Variants in MACROD1 observed in about 807,000 individuals in gnomAD.
MACROD1 encodes ADP-ribose glycohydrolase MACROD1.
A neutral mutation model predicts 41.4 loss-of-function variants in MACROD1; 31 were observed. The observed-to-expected ratio is 0.75, with a 90% CI of 0.56 to 1.01. MACROD1 has a LOEUF of 1.01. MACROD1 is among the 50% of genes least tolerant of loss of function. The pLI is 0.00. For synonymous variants in MACROD1, 252 were observed against 203.4 expected (o/e 1.24, Z -2.03); for missense variants, 473 against 460.0 (o/e 1.03, Z -0.26).
rs745776957 is a variant in MACROD1, at chr11:64,151,227, C to A, written c.517+12G>T. ...GCGGCCACCAGGTCTCTGGTTCAGG[C>A]CAGCCACTCACCGGCGTTGACGATG... is the stretch of plus-strand genomic sequence containing the variant. On this transcript the variant is annotated intron_variant, in intron 3 of 10. Coordinates refer to ENST00000255681, the MANE Select transcript of MACROD1 (RefSeq NM_014067.4). The A allele has an allele frequency of 6.2e-7, 1 of 1,609,070 alleles. No individual in the cohort carries two copies. The highest frequency in any genetic ancestry group is 1.3e-5 in the African/African-American group (1 of 74,862).
chr11:64,058,308 G>C (rs1296367419), intron 3 of MACROD1, among the ~76,000 whole-genome samples: 2 of 152,224 alleles, frequency 1.3e-5, no homozygotes, highest in Non-Finnish European at 2.9e-5. Flanking sequence ...TGTGCTCCTT[G>C]GTGCCCATCT....
chr11:64,097,522 C>A (rs933131596), intron 3 of MACROD1, among the ~76,000 whole-genome samples: 2 of 152,254 alleles, frequency 1.3e-5, no homozygotes, highest in Non-Finnish European at 2.9e-5. Flanking sequence ...GGCAAAGGCC[C>A]AGGCCCGCCG....
Position 64,152,436 on chromosome 11 carries a change from G to A in MACROD1, c.299-43C>T, listed in dbSNP as rs769250508. ...AGGATCAGGGTGGGGGCAGAGGAAC[G>A]GGCCTGGGGCTTGCACCCCCACATC... On this transcript the variant is annotated intron_variant, in intron 1 of 10. Coordinates refer to ENST00000255681, the MANE Select transcript of MACROD1 (RefSeq NM_014067.4). 24 of 1,488,430 alleles carry A rather than the reference G, an allele frequency of 1.6e-5. No individual in the cohort carries two copies. The East Asian group carries it at 2.7e-4, about 17-fold the overall frequency. The allele number at this position is 1,488,430 out of a possible 1,614,324, so 92.2% of individuals were successfully genotyped here.
chr11:64,155,968 T>G (rs572187400), intron 1 of MACROD1, among the ~76,000 whole-genome samples: 1 of 151,802 alleles, frequency 6.6e-6, no homozygotes, highest in East Asian at 1.9e-4. Context: ...ATTAGCCGGG[T>G]GTGGTGGTAC....
chr11:64,018,408 T>C (rs1943110539), intron 3 of MACROD1, among the ~76,000 whole-genome samples: 1 of 152,128 alleles, frequency 6.6e-6, no homozygotes, highest in Non-Finnish European at 1.5e-5. Context: ...GGTTCCCCCA[T>C]AAAGCTGCCT....
At chr11:64,071,701 T>A (rs1944110477) in intron 3 of MACROD1, among the ~76,000 whole-genome samples, 1 of 152,180 alleles carries the variant, frequency 6.6e-6, no homozygotes. Flanking sequence ...GGGGTGGTCA[T>A]GAGACCAAGG....
intron 1 of MACROD1, among the ~76,000 whole-genome samples, chr11:64,156,854 A>C (rs1169447426): frequency 6.6e-6 from 1 of 152,226 alleles, no homozygotes; most frequent in East Asian, 1.9e-4. Flanking sequence ...GAAGGCCAGC[A>C]GGCCAGACAG....
chr11:64,006,490 C>G (rs764124633), intron 4 of MACROD1, among the ~76,000 whole-genome samples: 8 of 152,242 alleles, frequency 5.3e-5, no homozygotes, highest in Non-Finnish European at 1.2e-4. Context: ...GTGATGAGAT[C>G]TGAAATTCAT....
chr11:64,135,902 A>G (rs1945325040), intron 3 of MACROD1, among the ~76,000 whole-genome samples: 1 of 151,858 alleles, frequency 6.6e-6, no homozygotes. Context: ...CCCTTCCCCC[A>G]CTAAGCTCCC....
At chr11:64,035,392 G>A (rs1211771430) in intron 3 of MACROD1, among the ~76,000 whole-genome samples, 5 of 152,094 alleles carry the variant, frequency 3.3e-5, no homozygotes, top group African/African-American at 1.2e-4. Context: ...CGGGTGGACG[G>A]ATGAATGAAT....
At chr11:64,125,527 GT>G (rs1945164977) in intron 3 of MACROD1, among the ~76,000 whole-genome samples, 2 of 152,350 alleles carry the variant, frequency 1.3e-5, no homozygotes, top group African/African-American at 4.8e-5. Context: ...CCAGGCACGA[GT>G]GTTGGCAACA....
In MACROD1 at chr11:64,030,664, C is replaced by T. The variant is rs537267348; in HGVS notation, c.518-15383G>A. Among the ~76,000 whole-genome samples the T allele has an allele frequency of 5.9e-5, 9 of 152,250 alleles. No individual in the cohort carries two copies. In the South Asian group the frequency reaches 1.5e-3, roughly 25 times the overall value. Reference sequence around the variant, plus strand: ...GACATGTTGGCCGGTAGATGAAAAACGCAGTCATAGAAATCATAAGCAATC... The same window carrying T: ...GACATGTTGGCCGGTAGATGAAAAATGCAGTCATAGAAATCATAAGCAATC... On this transcript the variant is annotated intron_variant, in intron 3 of 10. Coordinates refer to ENST00000255681, the MANE Select transcript of MACROD1 (RefSeq NM_014067.4).
chr11:64,107,807 G>A (rs891768780), intron 3 of MACROD1, among the ~76,000 whole-genome samples: 2 of 152,132 alleles, frequency 1.3e-5, no homozygotes, highest in Non-Finnish European at 1.5e-5. Flanking sequence ...GATGCCTCTG[G>A]TGGGCCTGCA....
intron 3 of MACROD1, among the ~76,000 whole-genome samples, chr11:64,056,699 TC>T (rs1000791042): frequency 1.4e-4 from 21 of 152,192 alleles, no homozygotes; most frequent in African/African-American, 5.1e-4. Context: ...CCAGCAGCAC[TC>T]ATAGGGGACA....
At position 64,117,003 on chromosome 11, in the gene MACROD1, C is replaced by T. The variant is rs756527574; in HGVS notation, c.517+34236G>A. On this transcript the variant is annotated intron_variant, in intron 3 of 10. Coordinates refer to ENST00000255681, the MANE Select transcript of MACROD1 (RefSeq NM_014067.4). ...GCGCATCGCCGACGACACCTTCAGC[C>T]GCCTACAGAACCTCACAGAGCTCTC... 60 of 1,612,572 alleles carry T rather than the reference C, an allele frequency of 3.7e-5. No individual in the cohort carries two copies. Among genetic ancestry groups the T allele is most frequent in the Admixed American group, 5.0e-5 (3 of 59,932 alleles).
At chr11:64,117,583 T>C (rs2134622431) in intron 3 of MACROD1, 1 of 1,611,740 alleles carries the variant, frequency 6.2e-7, no homozygotes, top group Non-Finnish European at 8.5e-7. Context: ...GCCAAGACCC[T>C]GGCCATCCAC....
intron 3 of MACROD1, among the ~76,000 whole-genome samples, chr11:64,107,135 C>T (rs934434016): frequency 2.0e-5 from 3 of 152,218 alleles, no homozygotes; most frequent in African/African-American, 7.2e-5. Context: ...CCACCTGCCT[C>T]AGCCTCCCAA....
At chr11:64,159,022 C>T (rs1011875850) in intron 1 of MACROD1, among the ~76,000 whole-genome samples, 2 of 151,432 alleles carry the variant, frequency 1.3e-5, no homozygotes, top group African/African-American at 4.9e-5. Context: ...CCCGTCTCTG[C>T]AAAAAATAGA....
chr11:64,034,531 A>C (rs1943337529), intron 3 of MACROD1, among the ~76,000 whole-genome samples: 1 of 152,244 alleles, frequency 6.6e-6, no homozygotes, highest in Non-Finnish European at 1.5e-5. Context: ...AGACAGGCGC[A>C]TGCAGAGCGC....
Sources: allele counts gnomAD v4.1 joint callset (sites outside exome capture counted in the v4.1 genomes callset), GRCh38; gene constraint gnomAD v4.1.1; transcripts MANE v1.5; gene names NCBI Gene and HGNC (gene_info 2026-07-23, HGNC 2026-07-21).